NPC1: variants seen among roughly 807,000 people sequenced by gnomAD.
The protein encoded by NPC1 is NPC intracellular cholesterol transporter 1.
A neutral mutation model predicts 140.4 loss-of-function variants in NPC1; 85 were observed. The ratio of observed to expected loss-of-function variants is 0.61; its 90% confidence interval spans 0.51 to 0.72. The LOEUF (loss-of-function observed/expected upper bound fraction) is 0.72, where lower values mean the gene tolerates loss of function less well. Among genes scored for constraint, NPC1 ranks in the 30% least tolerant of loss-of-function variants. The probability of loss-of-function intolerance (pLI) is 0.00; values close to 1 mark genes in which losing one functional copy is unlikely to be tolerated. For synonymous variants in NPC1, 656 were observed against 624.8 expected, an observed-to-expected ratio of 1.05 and a Z score of -0.74; for missense variants, 1,504 against 1,623.8, an observed-to-expected ratio of 0.93 and a Z score of 1.27.
downstream of NPC1, chr18:23,526,520 C>T: frequency 1.6e-6 from 2 of 1,250,304 alleles, no homozygotes; most frequent in South Asian, 1.4e-5. Flanking sequence ...ACTGACTGTA[C>T]TTTGCGGCTT....
chr18:23,557,034 G>T, intron 7 of NPC1, 83 bp downstream of exon 7: 2 of 1,168,722 alleles, frequency 1.7e-6, no homozygotes, highest in Non-Finnish European at 2.5e-6. Flanking sequence ...CTCACCCACT[G>T]CTGCAACCCC....
At chr18:23,507,328 C>T (rs538665259) in intron 3 of NPC1, among the ~76,000 whole-genome samples, 25 of 152,198 alleles carry the variant, frequency 1.6e-4, no homozygotes, top group South Asian at 8.3e-4. Flanking sequence ...GATGTGATCT[C>T]GGCTCACTGC....
At position 23,532,840 on chromosome 18, in the gene NPC1, G is replaced by C; in HGVS notation, c.3754+515C>G. The C allele has an allele frequency of 3.1e-6, 3 of 980,456 alleles. No individual in the cohort carries two copies. The South Asian group carries it at 1.4e-4, about 46-fold the overall frequency. The allele number at this position is 980,456 out of a possible 1,614,324, so 60.7% of individuals were successfully genotyped here. A position where few individuals can be genotyped will look rare whatever the true frequency, so the allele number is the denominator to read the frequency against. On this transcript the variant is annotated intron_variant, in intron 24 of 24. Transcript: ENST00000269228. ...ATTTAGTGACAAAGCTATAAATGAAGCAAATCAGTATTGTTCTTTCAACCG... is the reference window on the plus strand; with the variant it reads ...ATTTAGTGACAAAGCTATAAATGAACCAAATCAGTATTGTTCTTTCAACCG...
chr18:23,541,982 T>C (rs1223469360), intron 14 of NPC1, among the ~76,000 whole-genome samples: 3 of 152,212 alleles, frequency 2.0e-5, no homozygotes, highest in Non-Finnish European at 4.4e-5. Context: ...TTTTATAAGT[T>C]GCCAATATTT....
At chr18:23,555,586 C>A (rs1410033106) in intron 8 of NPC1, among the ~76,000 whole-genome samples, 1 of 152,210 alleles carries the variant, frequency 6.6e-6, no homozygotes, top group East Asian at 1.9e-4. Context: ...AAAGGAAAAA[C>A]CATGTGATTA....
At chr18:23,555,919 G>A (rs2058943294) in intron 8 of NPC1, among the ~76,000 whole-genome samples, 1 of 152,108 alleles carries the variant, frequency 6.6e-6, no homozygotes, top group African/African-American at 2.4e-5. Context: ...AATTCCTAAG[G>A]TGACTTCCTA....
intron 4 of NPC1, among the ~76,000 whole-genome samples, chr18:23,567,062 GTTTA>G (rs1318841559): frequency 6.6e-6 from 1 of 152,132 alleles, no homozygotes; most frequent in African/African-American, 2.4e-5. Flanking sequence ...GGATGTAGCA[GTTTA>G]TTTACCCATT....
At chr18:23,527,005 G>A (rs2058316389), downstream of NPC1, among the ~76,000 whole-genome samples, 1 of 152,132 alleles carries the variant, frequency 6.6e-6, no homozygotes, top group Non-Finnish European at 1.5e-5. Context: ...GGGCACACAG[G>A]AGGGGAGTGG....
downstream of NPC1, among the ~76,000 whole-genome samples, chr18:23,525,648 C>T (rs754181349): frequency 3.3e-5 from 5 of 152,144 alleles, no homozygotes; most frequent in Non-Finnish European, 7.3e-5. Context: ...TGGTCTCGAT[C>T]TCCTGACCTC....
At chr18:23,566,910 G>A (rs190275650) in intron 4 of NPC1, among the ~76,000 whole-genome samples, 8 of 152,242 alleles carry the variant, frequency 5.3e-5, no homozygotes, top group Admixed American at 2.6e-4. Context: ...TTTGTAGAAC[G>A]TCATATAGTG....
chr18:23,520,230 G>A (rs749451554), downstream of NPC1: 9 of 1,613,860 alleles, frequency 5.6e-6, no homozygotes, highest in South Asian at 1.1e-5. Flanking sequence ...ATCAAGTTAC[G>A]GGGAGAGTTT....
chr18:23,528,986 T>C (rs1001798059), downstream of NPC1: 16 of 813,128 alleles, frequency 2.0e-5, no homozygotes, highest in Non-Finnish European at 2.7e-5. Context: ...TTCAAGGGAT[T>C]CTCCTGCCTC....
rs1206354112 is a variant in NPC1, at chr18:23,531,529, AAT to A, written c.*671_*672del. The A allele has an allele frequency of 1.3e-6, 2 of 1,525,520 alleles. No individual in the cohort carries two copies. Among genetic ancestry groups the A allele is most frequent in the East Asian group, 2.3e-5 (1 of 43,862 alleles). 94.5% of individuals were successfully genotyped at this position (1,525,520 alleles called of 1,614,324 possible). On this transcript the variant is annotated 3_prime_UTR_variant, in exon 25 of 25. Transcript: ENST00000269228. ...AAAACAATGTATTTTATTAAAGAAA[AAT>A]AAGTTAAAACCCAGTAGACACACCT...
chr18:23,533,766 A>G, intron 23 of NPC1: 1 of 494,124 alleles, frequency 2.0e-6, no homozygotes, highest in Non-Finnish European at 3.7e-6. Flanking sequence ...TTGGCCTCCC[A>G]AAGTGCTGGG....
At chr18:23,542,951 T>TG (rs1381706086) in intron 14 of NPC1, among the ~76,000 whole-genome samples, 1 of 152,182 alleles carries the variant, frequency 6.6e-6, no homozygotes, top group East Asian at 1.9e-4. Context: ...GGAAGCCACT[T>TG]GCAAAATCAC....
chr18:23,508,084 T>TTTC, intron 3 of NPC1: 1 of 1,569,868 alleles, frequency 6.4e-7, no homozygotes, highest in Non-Finnish European at 8.7e-7. Context: ...GTCAGTGGTG[T>TTTC]TGAGCTGGGT....
intron 6 of NPC1, among the ~76,000 whole-genome samples, chr18:23,559,492 CTT>C (rs57612444): frequency 1.6e-4 from 13 of 81,458 alleles, no homozygotes; most frequent in Middle Eastern, 0.013. Flanking sequence ...TTGACTCTGA[CTT>C]TTTTTTTTTT....
Position 23,539,933 on chromosome 18 carries a change from A to G in NPC1, c.2673T>C (p.Phe891=), listed in dbSNP as rs2145373623. The change falls in exon 18 of 25, where the codon TTT becomes TTC. Residue 891 remains phenylalanine, a synonymous_variant. Transcript: ENST00000269228. ...QYLHAGPPVY[F]VLEEGHDYTS... ...TGTAGTCGTGCCCTTCCTCCAGGAC[A>G]AAGTACACAGGCGGACCCGCATGCA... is the stretch of plus-strand genomic sequence containing the variant. 6.2e-7 allele frequency: 1 copy of G among 1,614,248 alleles called. No individual in the cohort carries two copies. Among genetic ancestry groups the G allele is most frequent in the Non-Finnish European group, 8.5e-7 (1 of 1,180,042 alleles).
chr18:23,560,457 G>A lies in NPC1; in HGVS notation c.655C>T (p.Pro219Ser), dbSNP rs766581633. The A allele has an allele frequency of 6.2e-7, 1 of 1,614,094 alleles. No homozygotes were observed. The highest frequency in any genetic ancestry group is 8.5e-7 in the Non-Finnish European group (1 of 1,180,006). Residue 219 changes from proline (P) to serine (S), a missense_variant, in exon 6 of 25, where the codon CCC becomes TCC. Pro to Ser is a moderately conservative substitution (Grantham distance 74, BLOSUM62 -1). Coordinates refer to ENST00000269228, the MANE Select transcript of NPC1 (RefSeq NM_000271.5). ...CAGCCTTTGGTGGCATTGTTCATGG[G>A]CTCCATCCCATGGACTGGAAAATCT... Reference protein sequence around the residue: ...FSDFPVHGMEPMNNATKGCDE... With the variant: ...FSDFPVHGMESMNNATKGCDE...
Sources: gnomAD v4.1 joint callset for allele counts (sites outside exome capture counted in the v4.1 genomes callset) on GRCh38, gnomAD v4.1.1 for gene constraint, MANE v1.5 for transcripts, NCBI Gene and HGNC (gene_info 2026-07-23, HGNC 2026-07-21) for gene names.